ADAMTS13: variants seen among roughly 807,000 people sequenced by gnomAD.
ADAMTS13 encodes the protein A disintegrin and metalloproteinase with thrombospondin motifs 13.
A neutral mutation model predicts 155.1 loss-of-function variants in ADAMTS13; 110 were observed. The ratio of observed to expected loss-of-function variants is 0.71; its 90% CI spans 0.61 to 0.83. The LOEUF is 0.83. Ranked by LOEUF, ADAMTS13 falls within the 40% of genes least tolerant of loss-of-function variation. The probability of loss-of-function intolerance (pLI) is 0.00; values close to 1 mark genes in which losing one functional copy is unlikely to be tolerated. For synonymous variants in ADAMTS13, 758 were observed against 756.4 expected, an observed-to-expected ratio of 1.00 and a Z score of -0.03; for missense variants, 1,707 against 1,891.7, an observed-to-expected ratio of 0.90 and a Z score of 1.81.
At chr9:133,437,948 G>A (rs1199841071) in intron 13 of ADAMTS13, 51 bp downstream of exon 13, 14 of 1,610,566 alleles carry the variant, frequency 8.7e-6, no homozygotes, top group South Asian at 5.5e-5. Context: ...CTGTCCTATC[G>A]GAAGGCTCCT....
In ADAMTS13 at chr9:133,428,707, G is replaced by A. The variant is rs782093693; in HGVS notation, c.760G>A (p.Ala254Thr). The A allele has an allele frequency of 7.4e-7, 1 of 1,354,220 alleles. No individual in the cohort carries two copies. The allele number at this position is 1,354,220 out of a possible 1,614,324, so 83.9% of individuals were successfully genotyped here. Reference protein sequence around the residue: ...PSGHVMASDGAAPRAGLAWSP... With the variant: ...PSGHVMASDGTAPRAGLAWSP... ...CGGACACGTGATGGCTTCGGACGGC[G>A]CCGCGCCCCGCGCCGGCCTCGCCTG... is the stretch of plus-strand genomic sequence containing the variant. Residue 254 changes from alanine to threonine, a missense_variant, in exon 7 of 29, where the codon GCC (alanine) becomes ACC (threonine). Ala to Thr is a moderately conservative substitution (Grantham distance 58). Transcript: ENST00000355699.
intron 8 of ADAMTS13, among the ~76,000 whole-genome samples, chr9:133,430,402 G>A (rs950737390): frequency 3.9e-5 from 6 of 152,166 alleles, no homozygotes; most frequent in Admixed American, 2.0e-4. Flanking sequence ...AGTTACCAAG[G>A]ACTTCCCCAT....
chr9:133,417,391 G>A (rs1475057317), upstream of ADAMTS13, among the ~76,000 whole-genome samples: 1 of 152,198 alleles, frequency 6.6e-6, no homozygotes, highest in African/African-American at 2.4e-5. Context: ...AAGGTACAAG[G>A]GTTTATCTTT....
In ADAMTS13 at chr9:133,428,716, C is replaced by A; in HGVS notation, c.769C>A (p.Arg257Ser). 2 of 1,352,732 alleles carry A rather than the reference C, an allele frequency of 1.5e-6. No individual in the cohort carries two copies. The allele number at this position is 1,352,732 out of a possible 1,614,324, so 83.8% of individuals were successfully genotyped here. A position where few individuals can be genotyped will look rare whatever the true frequency, so the allele number is the denominator to read the frequency against. ...GATGGCTTCGGACGGCGCCGCGCCCCGCGCCGGCCTCGCCTGGTCCCCCTG... is the reference window on the plus strand; with the variant it reads ...GATGGCTTCGGACGGCGCCGCGCCCAGCGCCGGCCTCGCCTGGTCCCCCTG... ...HVMASDGAAP[R>S]AGLAWSPCSR... The change falls in exon 7 of 29, where the codon CGC (arginine) becomes AGC (serine). Residue 257 changes from arginine (R) to serine (S), a missense_variant. Arg to Ser is a moderately radical substitution (Grantham distance 110). Around this residue, in one of 3 missense-constraint regions of ADAMTS13, gnomAD observed 733 missense variants for 749.6 expected, o/e 0.98. Transcript: ENST00000355699.
chr9:133,451,001 C>T (rs1842404208), intron 23 of ADAMTS13, among the ~76,000 whole-genome samples: 1 of 152,210 alleles, frequency 6.6e-6, no homozygotes, highest in Admixed American at 6.5e-5. Context: ...CAGGGACACA[C>T]ACAGCCACAC....
chr9:133,442,858 T>TG, intron 18 of ADAMTS13, 115 bp downstream of exon 18: 1 of 1,441,378 alleles, frequency 6.9e-7, no homozygotes, highest in South Asian at 1.4e-5. Context: ...GAGCTGCTCC[T>TG]GTGCAGGCTC....
Position 133,453,366 on chromosome 9 carries a change from G to A in ADAMTS13, c.3045-1049G>A, listed in dbSNP as rs782420269. Among the ~76,000 whole-genome samples, 85 of 152,192 alleles carry A rather than the reference G, an allele frequency of 5.6e-4. 1 individual carries two copies. Among genetic ancestry groups the A allele is most frequent in the Non-Finnish European group, 2.5e-4 (17 of 68,028 alleles). ...CAGGAGAATGACGTGAACCCAGGAGGCGGAGCTTGCAGTGAGCTGAGATTG... is the reference window on the plus strand; with the variant it reads ...CAGGAGAATGACGTGAACCCAGGAGACGGAGCTTGCAGTGAGCTGAGATTG... On this transcript the variant is annotated intron_variant, in intron 23 of 28. Coordinates refer to ENST00000355699, the MANE Select transcript of ADAMTS13 (RefSeq NM_139027.6).
At chr9:133,418,649 T>A (rs1839819409), upstream of ADAMTS13, among the ~76,000 whole-genome samples, 1 of 152,166 alleles carries the variant, frequency 6.6e-6, no homozygotes, top group Admixed American at 6.5e-5. Flanking sequence ...CGTGATCGAT[T>A]GAGCAAGCAG....
At chr9:133,419,744 T>G (rs782328815), upstream of ADAMTS13, among the ~76,000 whole-genome samples, 14 of 152,244 alleles carry the variant, frequency 9.2e-5, no homozygotes, top group South Asian at 6.2e-4. Context: ...TTTTCTTTTT[T>G]TTTGTTTGTT....
rs782071778 is a variant in ADAMTS13, at chr9:133,454,576, T to C, written c.3206T>C (p.Ile1069Thr). ...VRPEASVPCL[I>T]ADCTYRWHVG... The stretch of plus-strand genomic sequence containing the variant: ...CCCGAGGCCAGTGTCCCCTGTCTCA[T>C]TGCCGACTGCACCTACCGCTGGCAT... Residue 1069 changes from isoleucine to threonine, a missense_variant, in exon 24 of 29, where the codon ATT (isoleucine) becomes ACT (threonine). Around this residue, in one of 3 missense-constraint regions of ADAMTS13, gnomAD observed 961 missense variants for 1,107.9 expected, o/e 0.87. Transcript: ENST00000355699. 1.9e-6 allele frequency: 3 copies of C among 1,606,620 alleles called. No individual in the cohort carries two copies. Among genetic ancestry groups the C allele is most frequent in the Admixed American group, 3.3e-5 (2 of 59,964 alleles).
intron 8 of ADAMTS13, among the ~76,000 whole-genome samples, 165 bp from the exon 9 acceptor site, chr9:133,432,423 G>A (rs932913382): frequency 4.6e-5 from 7 of 152,226 alleles, no homozygotes; most frequent in African/African-American, 1.4e-4. Flanking sequence ...GTTCCCCATC[G>A]ATGGGTCAGT....
intron 16 of ADAMTS13, 80 bp from the exon 17 acceptor site, chr9:133,442,319 G>A (rs1841731521): frequency 1.2e-6 from 2 of 1,605,028 alleles, no homozygotes; most frequent in African/African-American, 1.3e-5. Context: ...GAAGAAGTTG[G>A]AAGGCTTCCC....
At chr9:133,423,078 A>G in intron 1 of ADAMTS13, 23 bp from the exon 2 acceptor site, 1 of 1,611,100 alleles carries the variant, frequency 6.2e-7, no homozygotes, top group East Asian at 2.2e-5. Flanking sequence ...GCCCGGCCCC[A>G]TCCATCTCTT....
At chr9:133,457,126 A>AC (rs1207622275) in intron 27 of ADAMTS13, 2 of 304,134 alleles carry the variant, frequency 6.6e-6, no homozygotes, top group African/African-American at 4.4e-5. Flanking sequence ...ATGCATGTGC[A>AC]CCCACAAGCA....
chr9:133,452,923 G>C (rs1338913231), intron 23 of ADAMTS13, among the ~76,000 whole-genome samples: 1 of 152,164 alleles, frequency 6.6e-6, no homozygotes, highest in East Asian at 1.9e-4. Context: ...GTCTTCTGTG[G>C]ATATCCTCGA....
intron 23 of ADAMTS13, among the ~76,000 whole-genome samples, chr9:133,453,289 A>G (rs1842549224): frequency 6.6e-6 from 1 of 152,124 alleles, no homozygotes; most frequent in Admixed American, 6.5e-5. Flanking sequence ...ACAAAAAATT[A>G]GCTGGGTGTA....
In ADAMTS13 at chr9:133,426,473, C is replaced by T. The variant is rs143786117; in HGVS notation, c.686+128C>T. Reference sequence around the variant, plus strand: ...CCAGAGGAGCCTGTACCCCTCACCCCGACAGACTCAGGTGTGAGGACAGGG... The same window carrying T: ...CCAGAGGAGCCTGTACCCCTCACCCTGACAGACTCAGGTGTGAGGACAGGG... On this transcript the variant is annotated intron_variant, in intron 6 of 28. Coordinates refer to ENST00000355699, the MANE Select transcript of ADAMTS13 (RefSeq NM_139027.6). 288 of 1,310,790 alleles carry T rather than the reference C, an allele frequency of 2.2e-4. No individual in the cohort carries two copies. In the African/African-American group the frequency reaches 2.6e-3, roughly 12 times the overall value. 81.2% of individuals were successfully genotyped at this position (1,310,790 alleles called of 1,614,324 possible). A position where few individuals can be genotyped will look rare whatever the true frequency, so the allele number is the denominator to read the frequency against.
At position 133,432,663 on chromosome 9, in the gene ADAMTS13, C is replaced by T; in HGVS notation, c.1063C>T (p.Leu355=). The T allele has an allele frequency of 6.4e-7, 1 of 1,559,752 alleles. No individual in the cohort carries two copies. Among genetic ancestry groups the T allele is most frequent in the East Asian group, 2.4e-5 (1 of 42,238 alleles). The change falls in exon 9 of 29, where the codon CTG becomes TTG. Residue 355 remains leucine, a synonymous_variant. Transcript: ENST00000355699. ...SSCSRLLVPL[L]DGTECGVEKW... is the part of the protein sequence containing the mutation. The stretch of plus-strand genomic sequence containing the variant: ...CTGCAGCCGCCTCCTCGTTCCTCTC[C>T]TGGATGGGACAGAATGTGGCGTGGA...
rs1840615565 is a variant in ADAMTS13, at chr9:133,429,929, C to CT, written c.825-8dup. On this transcript the variant is annotated splice_polypyrimidine_tract_variant and intron_variant, in intron 7 of 28. Transcript: ENST00000355699. ...GGACTGAGCCGGGCCTGAGCCGGGCCTTGTCGCAGCGCAGGACGGGCGCGC... is the reference window on the plus strand; with the variant it reads ...GGACTGAGCCGGGCCTGAGCCGGGCCTTTGTCGCAGCGCAGGACGGGCGCGC... 3.3e-6 allele frequency: 5 copies of CT among 1,534,932 alleles called. No individual in the cohort carries two copies. The East Asian group carries it at 1.2e-4, about 38-fold the overall frequency.
Sources: allele counts gnomAD v4.1 joint callset (sites outside exome capture counted in the v4.1 genomes callset), GRCh38; gene constraint gnomAD v4.1.1; regional missense constraint gnomAD v4.1.1; transcripts MANE v1.5; gene names NCBI Gene and HGNC (gene_info 2026-07-23, HGNC 2026-07-21).